The following DNAJC3 variants were observed in gnomAD, a reference collection of about 807,000 sequenced individuals.
DNAJC3 encodes dnaJ homolog subfamily C member 3.
In DNAJC3, 38 loss-of-function variants were observed where a neutral mutation model predicts 68.6. The observed-to-expected ratio is 0.55, with a 90% CI of 0.43 to 0.73. DNAJC3 has a LOEUF of 0.73. DNAJC3 is among the 30% of genes least tolerant of loss of function. DNAJC3 has a pLI of 0.00. For missense variants in DNAJC3, 526 were observed against 591.9 expected, an observed-to-expected ratio of 0.89 and a Z score of 1.16; for synonymous variants, 203 against 204.0, an observed-to-expected ratio of 1.00 and a Z score of 0.04.
intron 5 of DNAJC3, among the ~76,000 whole-genome samples, chr13:95,759,450 C>G (rs900893816): frequency 9.9e-5 from 15 of 152,120 alleles, no homozygotes; most frequent in Non-Finnish European, 1.3e-4. Context: ...TAGCTGGGAC[C>G]ACTGGTGTGT....
chr13:95,720,063 C>CTA (rs1368163026), intron 2 of DNAJC3, among the ~76,000 whole-genome samples: 16 of 151,996 alleles, frequency 1.1e-4, no homozygotes, highest in African/African-American at 3.9e-4. Flanking sequence ...GATGTGGAAC[C>CTA]CATGGATACA....
intron 1 of DNAJC3, 104 bp downstream of exon 1, chr13:95,677,441 G>T: frequency 8.2e-7 from 1 of 1,221,502 alleles, no homozygotes; most frequent in South Asian, 1.7e-5. Flanking sequence ...TCGGGAGGTG[G>T]GGCGAGCGCT....
intron 1 of DNAJC3, among the ~76,000 whole-genome samples, chr13:95,680,005 A>G (rs996299635): frequency 2.0e-5 from 3 of 152,208 alleles, no homozygotes; most frequent in Non-Finnish European, 4.4e-5. Flanking sequence ...ATGAATTGAA[A>G]GTTTGAGTCT....
intron 9 of DNAJC3, among the ~76,000 whole-genome samples, chr13:95,765,240 T>C (rs1322988453): frequency 6.6e-6 from 1 of 152,184 alleles, no homozygotes; most frequent in Non-Finnish European, 1.5e-5. Flanking sequence ...TCGTTTTCTT[T>C]CCTTTTGAGC....
chr13:95,766,215 GT>G (rs1882989103), intron 9 of DNAJC3, among the ~76,000 whole-genome samples: 1 of 152,240 alleles, frequency 6.6e-6, no homozygotes, highest in East Asian at 1.9e-4. Context: ...GAATGAATAG[GT>G]TTAGGTTAGT....
chr13:95,712,526 A>G (rs1881004947), intron 2 of DNAJC3, among the ~76,000 whole-genome samples: 1 of 151,804 alleles, frequency 6.6e-6, no homozygotes, highest in South Asian at 2.1e-4. Context: ...ACAGTCATGC[A>G]CCACCACGTC....
At chr13:95,731,960 A>C (rs1019475006) in intron 4 of DNAJC3, among the ~76,000 whole-genome samples, 12 of 144,120 alleles carry the variant, frequency 8.3e-5, no homozygotes, top group African/African-American at 3.2e-4. Flanking sequence ...GGCTGGTCTG[A>C]AACTCCTGGG....
chr13:95,765,618 C>T (rs1356074952), intron 9 of DNAJC3, among the ~76,000 whole-genome samples: 1 of 138,060 alleles, frequency 7.2e-6, no homozygotes, highest in Non-Finnish European at 1.5e-5. Flanking sequence ...GTTACCCAGG[C>T]TGGAGTGCAG....
At chr13:95,772,971 G>T (rs1013974141) in intron 9 of DNAJC3, among the ~76,000 whole-genome samples, 1 of 152,034 alleles carries the variant, frequency 6.6e-6, no homozygotes, top group Non-Finnish European at 1.5e-5. Flanking sequence ...CAGTGTTAAG[G>T]ATGTACTGGA....
chr13:95,708,101 G>A (rs1450278607), intron 1 of DNAJC3, among the ~76,000 whole-genome samples: 2 of 152,108 alleles, frequency 1.3e-5, no homozygotes. Flanking sequence ...CCATGCAGCA[G>A]GAAGTCCACC....
intron 9 of DNAJC3, among the ~76,000 whole-genome samples, chr13:95,782,744 C>T (rs1375305592): frequency 6.6e-6 from 1 of 152,128 alleles, no homozygotes; most frequent in African/African-American, 2.4e-5. Flanking sequence ...CCATTCATGG[C>T]AACAAAATTC....
At chr13:95,762,588 C>G (rs948902986) in intron 7 of DNAJC3, among the ~76,000 whole-genome samples, 1 of 152,114 alleles carries the variant, frequency 6.6e-6, no homozygotes, top group Non-Finnish European at 1.5e-5. Flanking sequence ...ACATCTATTC[C>G]ACTTTCCCAG....
intron 2 of DNAJC3, among the ~76,000 whole-genome samples, chr13:95,714,823 A>G (rs970516028): frequency 1.3e-5 from 2 of 152,160 alleles, no homozygotes; most frequent in Admixed American, 6.5e-5. Context: ...CCTTCTACCT[A>G]TTTTATACTT....
At chr13:95,684,292 A>G (rs1185518739) in intron 1 of DNAJC3, among the ~76,000 whole-genome samples, 1 of 152,146 alleles carries the variant, frequency 6.6e-6, no homozygotes, top group East Asian at 1.9e-4. Context: ...TGCTTTAGTA[A>G]AGAGACTGGT....
chr13:95,754,286 G>A (rs566591153), intron 4 of DNAJC3, among the ~76,000 whole-genome samples: 1 of 152,202 alleles, frequency 6.6e-6, no homozygotes, highest in East Asian at 1.9e-4. Context: ...GTCTTCCCTT[G>A]GTTGCTTCTC....
At chr13:95,777,817 A>C (rs2139689869) in intron 9 of DNAJC3, among the ~76,000 whole-genome samples, 1 of 152,304 alleles carries the variant, frequency 6.6e-6, no homozygotes, top group East Asian at 1.9e-4. Context: ...ACTATAAAAC[A>C]ATTACACCTA....
chr13:95,691,231 G>A (rs1485734232), intron 1 of DNAJC3, among the ~76,000 whole-genome samples: 35 of 151,650 alleles, frequency 2.3e-4, no homozygotes, highest in Middle Eastern at 3.2e-3. Flanking sequence ...GGTGGCTGCC[G>A]GGCGGAGACG....
chr13:95,692,076 G>C (rs562739166), intron 1 of DNAJC3, among the ~76,000 whole-genome samples: 2 of 147,180 alleles, frequency 1.4e-5, no homozygotes, highest in Non-Finnish European at 2.9e-5. Flanking sequence ...CGTGGAAAGA[G>C]AGGGAGAGGG....
intron 11 of DNAJC3, 122 bp downstream of exon 11, chr13:95,787,277 A>G (rs1342134715): frequency 6.3e-6 from 8 of 1,272,308 alleles, no homozygotes; most frequent in Admixed American, 2.5e-5. Context: ...GCCCAGTTCC[A>G]GAGGTCCAGT....
Sources: gnomAD v4.1 joint callset for allele counts (sites outside exome capture counted in the v4.1 genomes callset) on GRCh38, gnomAD v4.1.1 for gene constraint, MANE v1.5 for transcripts, NCBI Gene and HGNC (gene_info 2026-07-23, HGNC 2026-07-21) for gene names.